The following MYO10 variants were observed in gnomAD, a reference collection of about 807,000 sequenced individuals.
The protein encoded by MYO10 is unconventional myosin-X.
A neutral mutation model predicts 257.3 loss-of-function variants in MYO10; 133 were observed. The observed-to-expected ratio is 0.52, with a 90% CI of 0.45 to 0.60. The LOEUF is 0.60. Ranked by LOEUF, MYO10 falls within the 20% of genes least tolerant of loss-of-function variation. MYO10 has a pLI of 0.00. For missense variants in MYO10, 2,399 were observed against 2,635.7 expected, an observed-to-expected ratio of 0.91 and a Z score of 1.97; for synonymous variants, 1,104 against 1,028.6, an observed-to-expected ratio of 1.07 and a Z score of -1.40.
rs1742679414 is a variant in MYO10 at position 16,818,113 on chromosome 5, G to T, written c.175C>A (p.Pro59Thr). 3.7e-6 allele frequency: 6 copies of T among 1,610,136 alleles called. No homozygotes were observed. Among genetic ancestry groups the T allele is most frequent in the South Asian group, 2.2e-5 (2 of 90,576 alleles). ...ITHQKVTAMH[P>T]TNEEGVDDMA... ...TCATCCACGCCCTCCTCGTTCGTGG[G>T]GTGCATAGCAGTCACCTTCTGGTGG... The change falls in exon 3 of 41, where the codon CCC becomes ACC. Residue 59 changes from proline (P) to threonine (T), a missense_variant. Around this residue, in one of 3 missense-constraint regions of MYO10, gnomAD observed 242 missense variants for 249.5 expected, o/e 0.97. Transcript: ENST00000513610.
At chr5:16,830,660 A>C (rs1431544221) in intron 2 of MYO10, among the ~76,000 whole-genome samples, 1 of 62,716 alleles carries the variant, frequency 1.6e-5, no homozygotes, top group African/African-American at 5.8e-5. Context: ...GTATAATCCT[A>C]ACGTTATTTT....
chr5:16,877,132 T>C (rs955710352), intron 2 of MYO10, among the ~76,000 whole-genome samples: 1 of 148,408 alleles, frequency 6.7e-6, no homozygotes, highest in African/African-American at 2.6e-5. Context: ...TCCAGAACTG[T>C]GACATCGATA....
chr5:16,729,691 GC>G lies in MYO10; in HGVS notation c.1930-18447del, dbSNP rs750659406. On this transcript the variant is annotated intron_variant, in intron 19 of 40. Coordinates refer to ENST00000513610, the MANE Select transcript of MYO10 (RefSeq NM_012334.3). ...GATCTCCTGACCTTGTGATCCACCC[GC>G]CTCGGCCTCCCAAAGTGCTGGGATC... Among the ~76,000 whole-genome samples, 4 of 152,120 alleles carry G rather than the reference GC, an allele frequency of 2.6e-5. No individual in the cohort carries two copies. In the East Asian group the frequency reaches 5.8e-4, roughly 22 times the overall value.
intron 2 of MYO10, among the ~76,000 whole-genome samples, chr5:16,854,546 A>T (rs1453453629): frequency 1.3e-5 from 2 of 152,152 alleles, no homozygotes; most frequent in African/African-American, 2.4e-5. Context: ...GGGAGGAGTG[A>T]GGGTGGAGGG....
chr5:16,717,370 A>G (rs977384879), intron 19 of MYO10, among the ~76,000 whole-genome samples: 1 of 152,224 alleles, frequency 6.6e-6, no homozygotes, highest in Non-Finnish European at 1.5e-5. Flanking sequence ...TCTATAAGGT[A>G]TCATTCCCAG....
intron 4 of MYO10, among the ~76,000 whole-genome samples, chr5:16,790,459 T>C (rs976434351): frequency 1.2e-4 from 19 of 152,150 alleles, no homozygotes; most frequent in African/African-American, 4.1e-4. Flanking sequence ...TCCCGCCATG[T>C]TGTGGGAGGG....
chr5:16,856,203 C>T (rs910456882), intron 2 of MYO10, among the ~76,000 whole-genome samples: 2 of 152,170 alleles, frequency 1.3e-5, no homozygotes, highest in Admixed American at 6.5e-5. Context: ...GTACTGCAGC[C>T]GTCTCATCTT....
chr5:16,749,035 C>T (rs1260966066), intron 19 of MYO10, among the ~76,000 whole-genome samples: 2 of 152,164 alleles, frequency 1.3e-5, no homozygotes, highest in African/African-American at 4.8e-5. Context: ...ACAAGGCTCA[C>T]GTGACCTCCC....
chr5:16,689,489 G>A (rs1325551162), intron 28 of MYO10, among the ~76,000 whole-genome samples: 3 of 151,916 alleles, frequency 2.0e-5, no homozygotes, highest in Non-Finnish European at 4.4e-5. Context: ...TCAAAGCTCA[G>A]AAGCTTCCAG....
chr5:16,877,733 A>G (rs761510932), intron 1 of MYO10, 26 bp from the exon 2 acceptor site: 57 of 1,580,326 alleles, frequency 3.6e-5, no homozygotes, highest in Non-Finnish European at 4.9e-5. Context: ...ACAAGACTGA[A>G]CTGAGTTTGG....
Position 16,672,687 on chromosome 5 carries a change from A to G in MYO10, c.5309+2T>C, listed in dbSNP as rs1476221252. 1.2e-6 allele frequency: 2 copies of G among 1,613,886 alleles called. No individual in the cohort carries two copies. The highest frequency in any genetic ancestry group is 1.7e-6 in the Non-Finnish European group (2 of 1,179,888). ...CTGACACAGTAGGGAAAAGGAACCT[A>G]CTTTTCAAACTTGGCTAAGACATCA... On this transcript the variant is annotated splice_donor_variant, in intron 37 of 40. Transcript: ENST00000513610. LOFTEE classifies it high-confidence loss of function.
In MYO10 at chr5:16,869,309, G is replaced by A. The variant is rs1580094918; in HGVS notation, c.120+8300C>T. On this transcript the variant is annotated intron_variant, in intron 2 of 40. Transcript: ENST00000513610. ...CCACCTCGGCCTCCCAAAGTGCTGG[G>A]ATTACAGGCGTGCACCACCGTGCCC... Among the ~76,000 whole-genome samples, 3 of 151,642 alleles carry A rather than the reference G, an allele frequency of 2.0e-5. No individual in the cohort carries two copies. The South Asian group carries it at 6.3e-4, about 32-fold the overall frequency.
chr5:16,781,922 C>A, intron 5 of MYO10, 93 bp from the exon 6 acceptor site: 3 of 1,455,338 alleles, frequency 2.1e-6, no homozygotes, highest in Non-Finnish European at 2.8e-6. Flanking sequence ...TATACAACTG[C>A]AAGAAAAATC....
At position 16,823,467 on chromosome 5, in the gene MYO10, GAT is replaced by G. The variant is rs1491367049; in HGVS notation, c.121-5302_121-5301del. On this transcript the variant is annotated intron_variant, in intron 2 of 40. Coordinates refer to ENST00000513610, the MANE Select transcript of MYO10 (RefSeq NM_012334.3). Reference sequence around the variant, plus strand: ...CTTGCGCGGGGGGGGGGGGAGTGGGGATTTTTTTTTTTTTTTTTTTGTGAGAC... The same window carrying G: ...CTTGCGCGGGGGGGGGGGGAGTGGGGTTTTTTTTTTTTTTTTTTGTGAGAC... 2.5e-3 allele frequency among the ~76,000 whole-genome samples: 10 copies of G among 3,978 alleles called. 2 individuals carry two copies. Among genetic ancestry groups the G allele is most frequent in the African/African-American group, 7.8e-3 (8 of 1,024 alleles). 2.6% of individuals were successfully genotyped at this position (3,978 alleles called of 152,430 possible).
At position 16,871,563 on chromosome 5, in the gene MYO10, T is replaced by C. The variant is rs918782965; in HGVS notation, c.120+6046A>G. 1.3e-4 allele frequency among the ~76,000 whole-genome samples: 19 copies of C among 151,972 alleles called. No individual in the cohort carries two copies. The South Asian group carries it at 3.5e-3, about 28-fold the overall frequency. ...TGGAGGCTACAGTGAGCCATGGTCA[T>C]GCCACTGCATTCAAGACTGGGTAAC... On this transcript the variant is annotated intron_variant, in intron 2 of 40. Transcript: ENST00000513610.
rs774327382 is a variant in MYO10 at position 16,668,415 on chromosome 5, G to C, written c.5937C>G (p.Ala1979=). 25 of 1,613,818 alleles carry C rather than the reference G, an allele frequency of 1.5e-5. No homozygotes were observed. Among genetic ancestry groups the C allele is most frequent in the Non-Finnish European group, 2.0e-5 (24 of 1,179,820 alleles). The stretch of plus-strand genomic sequence containing the variant: ...CCTCTCCACGCTTGTAGACGGAGAC[G>C]GCGTCCGCGCTGACACCCAACCAGA... The part of the protein sequence containing the change: ...QELWLGVSAD[A]VSVYKRGEGR... Residue 1979 remains alanine, a synonymous_variant, in exon 40 of 41, where the codon GCC becomes GCG. Coordinates refer to ENST00000513610, the MANE Select transcript of MYO10 (RefSeq NM_012334.3).
intron 1 of MYO10, among the ~76,000 whole-genome samples, chr5:16,893,588 C>T (rs1389148505): frequency 6.9e-6 from 1 of 144,172 alleles, no homozygotes; most frequent in Non-Finnish European, 1.5e-5. Context: ...GAGCTGAGAT[C>T]GTGCCACCAC....
In MYO10 at chr5:16,795,076, GTCCCTGCTCCCCAGGCCCAGA is replaced by G. The variant is rs540040162; in HGVS notation, c.280-264_280-244del. 3.0e-3 allele frequency among the ~76,000 whole-genome samples: 455 copies of G among 152,236 alleles called. 2 individuals are homozygous for G. Among genetic ancestry groups the G allele is most frequent in the African/African-American group, 0.01 (431 of 41,562 alleles). On this transcript the variant is annotated intron_variant, in intron 3 of 40. Coordinates refer to ENST00000513610, the MANE Select transcript of MYO10 (RefSeq NM_012334.3). ...AAGATGGTGAGGCGGCCCAGGCCCA[GTCCCTGCTCCCCAGGCCCAGA>G]TCCCTGCTCCCCGCTGACCTCACCA...
chr5:16,862,229 G>A (rs554141687), intron 2 of MYO10, among the ~76,000 whole-genome samples: 3 of 152,308 alleles, frequency 2.0e-5, no homozygotes, highest in East Asian at 3.9e-4. Context: ...TTGGAATGAG[G>A]CAACAAGAGG....
Sources: allele counts gnomAD v4.1 joint callset (sites outside exome capture counted in the v4.1 genomes callset), GRCh38; gene constraint gnomAD v4.1.1; regional missense constraint gnomAD v4.1.1; transcripts MANE v1.5; gene names NCBI Gene and HGNC (gene_info 2026-07-23, HGNC 2026-07-21).